The following RPS6KC1 variants were observed in gnomAD, a reference collection of about 807,000 sequenced individuals.
The protein encoded by RPS6KC1 is inactive ribosomal protein S6 kinase delta-1.
A neutral mutation model predicts 103.8 loss-of-function variants in RPS6KC1; 54 were observed. The ratio of observed to expected loss-of-function variants is 0.52; its 90% CI spans 0.42 to 0.65. RPS6KC1 has a LOEUF of 0.65. Among genes scored for constraint, RPS6KC1 ranks in the 30% least tolerant of loss-of-function variants. The pLI is 0.00. For synonymous variants in RPS6KC1, 439 were observed against 438.7 expected (o/e 1.00, Z -0.01); for missense variants, 1,151 against 1,253.8 (o/e 0.92, Z 1.24).
At position 213,129,622 on chromosome 1, in the gene RPS6KC1, A is replaced by T; in HGVS notation, c.568A>T (p.Ile190Phe). The stretch of plus-strand genomic sequence containing the variant: ...AATGGCTTCCAATCAAAATTCTCCC[A>T]TTAGAACTTTTGGTCTCAATCTTTC... ...DGMASNQNSP[I>F]RTFGLNLSSD... is the part of the protein sequence containing the mutation. Residue 190 changes from isoleucine to phenylalanine, a missense_variant, in exon 6 of 15, where the codon ATT becomes TTT. Coordinates refer to ENST00000366960, the MANE Select transcript of RPS6KC1 (RefSeq NM_012424.6). 6.2e-7 allele frequency: 1 copy of T among 1,614,060 alleles called. No individual in the cohort carries two copies. Among genetic ancestry groups the T allele is most frequent in the Non-Finnish European group, 8.5e-7 (1 of 1,179,950 alleles).
the RPS6KC1 span, among the ~76,000 whole-genome samples, chr1:213,749,718 G>A: frequency 4.6e-5 from 7 of 152,168 alleles, no homozygotes; most frequent in Admixed American, 1.3e-4. Flanking sequence ...GTCTATTGTG[G>A]CAGCTACTGT....
At chr1:213,592,067 C>T in the RPS6KC1 span, among the ~76,000 whole-genome samples, 9 of 152,142 alleles carry the variant, frequency 5.9e-5, no homozygotes, top group Non-Finnish European at 1.5e-5. Context: ...GACCTTCATT[C>T]CTGAGGGGGA....
At chr1:213,290,144 CAAAAAAAAAAA>C in the RPS6KC1 span, among the ~76,000 whole-genome samples, 5 of 70,096 alleles carry the variant, frequency 7.1e-5, no homozygotes, top group Non-Finnish European at 1.0e-4. Context: ...GACTCCGTCT[CAAAAAAAAAAA>C]AAAAAAAAAA....
chr1:213,701,531 C>G, the RPS6KC1 span, among the ~76,000 whole-genome samples: 25 of 151,934 alleles, frequency 1.6e-4, no homozygotes, highest in African/African-American at 5.8e-4. Context: ...AGCAGTGAAG[C>G]CAACAGATCC....
chr1:213,718,482 A>T, the RPS6KC1 span, among the ~76,000 whole-genome samples: 1 of 152,358 alleles, frequency 6.6e-6, no homozygotes, highest in South Asian at 2.1e-4. Context: ...TGAGGCTTTG[A>T]AAGCTCTGTA....
At chr1:213,753,171 A>T in the RPS6KC1 span, among the ~76,000 whole-genome samples, 1 of 152,132 alleles carries the variant, frequency 6.6e-6, no homozygotes, top group African/African-American at 2.4e-5. Flanking sequence ...TGGGACAGGG[A>T]TGAAAAAATA....
At chr1:213,806,959 T>C in the RPS6KC1 span, among the ~76,000 whole-genome samples, 1 of 151,826 alleles carries the variant, frequency 6.6e-6, no homozygotes, top group Non-Finnish European at 1.5e-5. Context: ...TCAGGAGCTC[T>C]TTTAGGGCAG....
At chr1:213,407,218 G>A in the RPS6KC1 span, among the ~76,000 whole-genome samples, 597 of 127,612 alleles carry the variant, frequency 4.7e-3, 5 homozygotes, top group Middle Eastern at 0.037. Context: ...ATGCACGCGC[G>A]CACACACACA....
At chr1:213,805,358 C>T in the RPS6KC1 span, among the ~76,000 whole-genome samples, 2 of 152,336 alleles carry the variant, frequency 1.3e-5, no homozygotes, top group African/African-American at 2.4e-5. Context: ...TCAAACCTCT[C>T]AAACCCTGCT....
chr1:213,169,663 A>G (rs889572769), intron 7 of RPS6KC1, among the ~76,000 whole-genome samples: 3 of 151,862 alleles, frequency 2.0e-5, no homozygotes, highest in Non-Finnish European at 4.4e-5. Context: ...TATATACTCA[A>G]TTTCATTTTG....
At chr1:213,377,367 A>G in the RPS6KC1 span, among the ~76,000 whole-genome samples, 2 of 152,214 alleles carry the variant, frequency 1.3e-5, no homozygotes, top group Non-Finnish European at 2.9e-5. Context: ...TGAGGTCTGA[A>G]CTGGGAGTAC....
chr1:213,657,785 T>C, the RPS6KC1 span, among the ~76,000 whole-genome samples: 1 of 152,270 alleles, frequency 6.6e-6, no homozygotes, highest in Non-Finnish European at 1.5e-5. Flanking sequence ...AGTCATCTTC[T>C]TAATTTCTCT....
At chr1:213,593,033 A>G in the RPS6KC1 span, among the ~76,000 whole-genome samples, 3 of 146,176 alleles carry the variant, frequency 2.1e-5, no homozygotes, top group Admixed American at 1.4e-4. Flanking sequence ...CCAACCAAGC[A>G]AGGATCCAGG....
chr1:213,060,300 T>C (rs1252605452), intron 1 of RPS6KC1, among the ~76,000 whole-genome samples: 4 of 152,222 alleles, frequency 2.6e-5, no homozygotes, highest in African/African-American at 9.6e-5. Flanking sequence ...AGTTGTTAGA[T>C]TTCAGTTGTT....
At chr1:213,075,355 T>C (rs2079236477) in intron 2 of RPS6KC1, among the ~76,000 whole-genome samples, 1 of 152,228 alleles carries the variant, frequency 6.6e-6, no homozygotes, top group Non-Finnish European at 1.5e-5. Context: ...TAATTTGATA[T>C]ATTTTTAAAA....
At chr1:213,375,012 CACAT>C in the RPS6KC1 span, among the ~76,000 whole-genome samples, 19 of 151,972 alleles carry the variant, frequency 1.3e-4, no homozygotes, top group Admixed American at 3.3e-4. Flanking sequence ...TACATACACA[CACAT>C]ACATACACAT....
the RPS6KC1 span, among the ~76,000 whole-genome samples, chr1:213,804,122 A>T: frequency 1.3e-5 from 2 of 149,382 alleles, no homozygotes; most frequent in African/African-American, 5.0e-5. Context: ...ATAAAAAAAA[A>T]TTTACAAAAA....
the RPS6KC1 span, among the ~76,000 whole-genome samples, chr1:213,368,614 G>C: frequency 6.6e-6 from 1 of 152,168 alleles, no homozygotes; most frequent in African/African-American, 2.4e-5. Flanking sequence ...TTGAATTGTT[G>C]CCTATTGTAA....
chr1:213,081,652 G>GTT (rs76134090), intron 3 of RPS6KC1, among the ~76,000 whole-genome samples: 16 of 139,302 alleles, frequency 1.1e-4, no homozygotes, highest in African/African-American at 3.1e-4. Context: ...CTCTCTTAAG[G>GTT]TTTTTTTTTT....
Sources: allele counts gnomAD v4.1 joint callset (sites outside exome capture counted in the v4.1 genomes callset), GRCh38; gene constraint gnomAD v4.1.1; transcripts MANE v1.5; gene names NCBI Gene and HGNC (gene_info 2026-07-23, HGNC 2026-07-21).